The following MAMLD1 variants were observed in gnomAD, a reference collection of about 807,000 sequenced individuals.
MAMLD1 encodes mastermind-like domain-containing protein 1.
MAMLD1 carries 14 observed loss-of-function variants against 45.0 expected under a neutral mutation model. That is an observed-to-expected ratio of 0.31 (90% CI 0.21 to 0.49). The LOEUF (loss-of-function observed/expected upper bound fraction) is 0.49. MAMLD1 is among the 20% of genes least tolerant of loss of function. The pLI is 0.99. For synonymous variants in MAMLD1, 254 were observed against 247.8 expected, an observed-to-expected ratio of 1.02 and a Z score of -0.24; for missense variants, 543 against 603.6, an observed-to-expected ratio of 0.90 and a Z score of 1.05.
chrX:150,382,829 T>C, intron 1 of MAMLD1, among the ~76,000 whole-genome samples: 1 of 110,134 alleles, frequency 9.1e-6, no homozygotes, highest in South Asian at 3.8e-4. Context: ...ACTGCAGCAA[T>C]AGAGTACAAA....
At chrX:150,391,687 G>A (rs782484869) in intron 1 of MAMLD1, among the ~76,000 whole-genome samples, 1 of 111,270 alleles carries the variant, frequency 9.0e-6, no homozygotes, top group Non-Finnish European at 1.9e-5. Context: ...TCTAATATCT[G>A]AATCACCTTG....
chrX:150,423,348 C>CTGTGTGTGTGTGTG (rs1246327427), intron 1 of MAMLD1, among the ~76,000 whole-genome samples: 92 of 7,843 alleles, frequency 0.012, no homozygotes, highest in African/African-American at 0.014. Flanking sequence ...ACATTATACT[C>CTGTGTGTGTGTGTG]TGTGTGTGTG....
intron 5 of MAMLD1, among the ~76,000 whole-genome samples, chrX:150,499,003 A>G (rs2037471218): frequency 8.9e-6 from 1 of 112,006 alleles, no homozygotes; most frequent in Non-Finnish European, 1.9e-5. Context: ...CCAAAAATCC[A>G]GGTTCTTCCA....
At position 150,504,193 on chromosome X, in the gene MAMLD1, C is replaced by T. The variant is rs781978671; in HGVS notation, c.2284+676C>T. 3.6e-5 allele frequency: 27 copies of T among 752,213 alleles called. No individual in the cohort carries two copies. In the African/African-American group the frequency reaches 5.6e-4, roughly 15 times the overall value. The allele number at this position is 752,213 out of a possible 1,213,427, so 62.0% of individuals were successfully genotyped here. A position where few individuals can be genotyped will look rare whatever the true frequency, so the allele number is the denominator to read the frequency against. On this transcript the variant is annotated intron_variant, in intron 6 of 7. Transcript: ENST00000370401. ...GAATGGCTTGACTTGCCCCCAGAGT[C>T]GCATCAGTGGTCATGAGAGCAAGCG...
At chrX:150,479,536 G>A (rs1038069122) in intron 5 of MAMLD1, among the ~76,000 whole-genome samples, 1 of 112,283 alleles carries the variant, frequency 8.9e-6, no homozygotes, top group Non-Finnish European at 1.9e-5. Flanking sequence ...CCCAAAATGA[G>A]CCCTTTTAAA....
Position 150,473,672 on chromosome X carries a change from T to C in MAMLD1, c.1918-8T>C. ...GTTCAGGAGCACTTTGGTTTGATTT[T>C]ATTATAGGGCTGTTGCCATCTGTTT... On this transcript the variant is annotated splice_region_variant and splice_polypyrimidine_tract_variant and intron_variant, in intron 4 of 7. Transcript: ENST00000370401. 8.3e-7 allele frequency: 1 copy of C among 1,209,388 alleles called. No individual in the cohort carries two copies. The highest frequency in any genetic ancestry group is 2.3e-4 in the Middle Eastern group (1 of 4,335).
At chrX:150,505,169 C>A in intron 6 of MAMLD1, 1 of 554,446 alleles carries the variant, frequency 1.8e-6, no homozygotes, top group African/African-American at 2.5e-5. Context: ...CCCCCAGTGA[C>A]AGCTTCAGAC....
At chrX:150,388,896 G>A (rs1454655052) in intron 1 of MAMLD1, among the ~76,000 whole-genome samples, 1 of 111,937 alleles carries the variant, frequency 8.9e-6, no homozygotes, top group South Asian at 3.7e-4. Context: ...TGAAGTATAA[G>A]CTTACATGAT....
intron 5 of MAMLD1, among the ~76,000 whole-genome samples, chrX:150,486,070 A>G (rs1320643516): frequency 8.9e-6 from 1 of 112,027 alleles, no homozygotes. Flanking sequence ...GGACTTACTG[A>G]TTCCTGAAAG....
chrX:150,374,180 A>C (rs1485903685), intron 1 of MAMLD1, among the ~76,000 whole-genome samples: 1 of 112,664 alleles, frequency 8.9e-6, no homozygotes, highest in Non-Finnish European at 1.9e-5. Context: ...AATAACACGC[A>C]ATGTTGCATC....
At chrX:150,485,775 T>C (rs1002328982) in intron 5 of MAMLD1, among the ~76,000 whole-genome samples, 18 of 112,273 alleles carry the variant, frequency 1.6e-4, no homozygotes, top group African/African-American at 5.8e-4. Flanking sequence ...TGATCCATAC[T>C]GAATGTATTT....
At chrX:150,460,719 C>T (rs1287579285) in intron 2 of MAMLD1, among the ~76,000 whole-genome samples, 1 of 112,090 alleles carries the variant, frequency 8.9e-6, no homozygotes, top group Non-Finnish European at 1.9e-5. Context: ...TACGTGACTT[C>T]CACACAGCCC....
chrX:150,362,318 G>C (rs2031043946), upstream of MAMLD1, among the ~76,000 whole-genome samples: 1 of 111,189 alleles, frequency 9.0e-6, no homozygotes, highest in Admixed American at 9.4e-5. Flanking sequence ...GGGCTGAATA[G>C]GCTACTTTGT....
intron 7 of MAMLD1, among the ~76,000 whole-genome samples, chrX:150,511,252 T>C (rs1460688027): frequency 3.6e-5 from 4 of 110,999 alleles, no homozygotes; most frequent in Non-Finnish European, 7.6e-5. Flanking sequence ...TGGACTCTCA[T>C]GACAATGAGG....
intron 1 of MAMLD1, among the ~76,000 whole-genome samples, chrX:150,397,511 C>G (rs782186741): frequency 9.0e-6 from 1 of 111,125 alleles, no homozygotes. Flanking sequence ...TGTGTATTCC[C>G]CTTTCATGGT....
intron 1 of MAMLD1, among the ~76,000 whole-genome samples, chrX:150,403,973 A>AAAGAAAG: frequency 1.1e-5 from 1 of 92,342 alleles, no homozygotes; most frequent in South Asian, 4.5e-4. Flanking sequence ...AGAAAGAAAG[A>AAAGAAAG]AAGAAAGAAA....
In MAMLD1 at chrX:150,471,145, G is replaced by T. The variant is rs781915260; in HGVS notation, c.1572G>T (p.Gln524His). The T allele has an allele frequency of 4.1e-5, 49 of 1,209,855 alleles. 1 individual carries two copies. Among genetic ancestry groups the T allele is most frequent in the Non-Finnish European group, 1.3e-5 (12 of 895,216 alleles). ...SSKTLSMIMQ[Q>H]GMASSSPGAT... ...AAACCCTGAGCATGATCATGCAGCA[G>T]GGGATGGCAAGCTCCAGCCCAGGAG... Residue 524 changes from glutamine to histidine, a missense_variant, in exon 4 of 8, where the codon CAG becomes CAT. By Grantham distance (24) the Gln-to-His change is conservative. Coordinates refer to ENST00000370401, the MANE Select transcript of MAMLD1 (RefSeq NM_005491.5).
In MAMLD1 at chrX:150,471,628, A is replaced by G. The variant is rs188054846; in HGVS notation, c.1917+138A>G. On this transcript the variant is annotated intron_variant, in intron 4 of 7. Transcript: ENST00000370401. The stretch of plus-strand genomic sequence containing the variant: ...ACTGGAAAAGACTCTGAAAAAGTCT[A>G]CTGAAGTCAGCTAATCCTGTGTGGT... 4.0e-5 allele frequency: 40 copies of G among 991,746 alleles called. No individual in the cohort carries two copies. The African/African-American group carries it at 6.4e-4, about 16-fold the overall frequency. 81.7% of individuals were successfully genotyped at this position (991,746 alleles called of 1,213,427 possible). A position where few individuals can be genotyped will look rare whatever the true frequency, so the allele number is the denominator to read the frequency against.
intron 1 of MAMLD1, among the ~76,000 whole-genome samples, chrX:150,398,274 A>G (rs782050043): frequency 3.7e-5 from 2 of 54,741 alleles, no homozygotes; most frequent in East Asian, 5.5e-4. Flanking sequence ...AAGAAGAAGA[A>G]GAAGAAGAAG....
Sources: allele counts gnomAD v4.1 joint callset (sites outside exome capture counted in the v4.1 genomes callset), GRCh38; gene constraint gnomAD v4.1.1; transcripts MANE v1.5; gene names NCBI Gene and HGNC (gene_info 2026-07-23, HGNC 2026-07-21).